ZNF277: variants seen among roughly 807,000 people sequenced by gnomAD.
ZNF277 encodes the protein nuclear receptor-interacting factor 4.
ZNF277 carries 55 observed loss-of-function variants against 60.7 expected under a neutral mutation model. That is an observed-to-expected ratio of 0.91 (90% CI 0.73 to 1.13). ZNF277 has a LOEUF of 1.13. Ranked by LOEUF, ZNF277 falls within the 50% of genes most tolerant of loss-of-function variation. The pLI is 0.00. For synonymous variants in ZNF277, 178 were observed against 179.3 expected, an observed-to-expected ratio of 0.99 and a Z score of 0.06; for missense variants, 510 against 523.0, an observed-to-expected ratio of 0.98 and a Z score of 0.24.
intron 1 of ZNF277, among the ~76,000 whole-genome samples, chr7:112,275,336 C>T (rs1231996832): frequency 1.3e-5 from 2 of 152,152 alleles, no homozygotes; most frequent in African/African-American, 2.4e-5. Flanking sequence ...AATTTGAATG[C>T]TCTGAAGTAT....
chr7:112,282,871 G>C (rs1791979464), intron 1 of ZNF277, among the ~76,000 whole-genome samples: 1 of 152,218 alleles, frequency 6.6e-6, no homozygotes, highest in African/African-American at 2.4e-5. Flanking sequence ...CACCCCCTCA[G>C]TTCCTTCATC....
At chr7:112,228,524 C>T (rs1354493608) in intron 1 of ZNF277, among the ~76,000 whole-genome samples, 7 of 117,430 alleles carry the variant, frequency 6.0e-5, no homozygotes, top group East Asian at 2.9e-4. Context: ...ACTTTATGGA[C>T]GTTAGGCCTT....
At chr7:112,254,805 G>GA (rs1235062130) in intron 1 of ZNF277, among the ~76,000 whole-genome samples, 2 of 151,846 alleles carry the variant, frequency 1.3e-5, no homozygotes, top group South Asian at 2.1e-4. Context: ...CTCGCCTGTA[G>GA]AAAAAATGTT....
At chr7:112,275,268 T>G (rs1313541209) in intron 1 of ZNF277, among the ~76,000 whole-genome samples, 1 of 152,190 alleles carries the variant, frequency 6.6e-6, no homozygotes, top group Non-Finnish European at 1.5e-5. Flanking sequence ...TGAATTCTAC[T>G]TAGAGCCCCA....
At chr7:112,282,538 C>T (rs1470824556) in intron 1 of ZNF277, among the ~76,000 whole-genome samples, 1 of 152,246 alleles carries the variant, frequency 6.6e-6, no homozygotes, top group Non-Finnish European at 1.5e-5. Context: ...TTCGCCTTAA[C>T]TCCCTGTAGC....
chr7:112,312,590 A>T (rs1432430260), intron 4 of ZNF277, among the ~76,000 whole-genome samples: 4 of 152,136 alleles, frequency 2.6e-5, no homozygotes, highest in African/African-American at 7.2e-5. Context: ...TATATAATAT[A>T]CAAATGTACG....
rs1415350850 is a variant in ZNF277, at chr7:112,340,897, A to T, written c.1035A>T (p.Lys345Asn). Residue 345 changes from lysine (K) to asparagine (N), a missense_variant, in exon 11 of 12, where the codon AAA (lysine) becomes AAT (asparagine). By Grantham distance (94) the Lys-to-Asn change is moderately conservative. Transcript: ENST00000361822. ...GATTAAATTTCTATCAGCAAGTGAAACTGGTCAATTTTATTCGGAGGCAAG... is the reference window on the plus strand; with the variant it reads ...GATTAAATTTCTATCAGCAAGTGAATCTGGTCAATTTTATTCGGAGGCAAG... ...ELGLNFYQQV[K>N]LVNFIRRQVH... is the part of the protein sequence containing the mutation. The T allele has an allele frequency of 6.2e-7, 1 of 1,610,044 alleles. No individual in the cohort carries two copies. The highest frequency in any genetic ancestry group is 2.2e-5 in the East Asian group (1 of 44,738).
intron 1 of ZNF277, among the ~76,000 whole-genome samples, chr7:112,211,974 A>G (rs1821760111): frequency 6.6e-6 from 1 of 152,230 alleles, no homozygotes. Context: ...TAGAGTGGCT[A>G]CTATTTTGAG....
chr7:112,282,032 C>T (rs1791956954), intron 1 of ZNF277, among the ~76,000 whole-genome samples: 1 of 152,052 alleles, frequency 6.6e-6, no homozygotes, highest in Non-Finnish European at 1.5e-5. Flanking sequence ...GGGGTTTCAC[C>T]GTGTTGGCCA....
At chr7:112,323,709 T>G (rs1423458970) in intron 5 of ZNF277, among the ~76,000 whole-genome samples, 9 of 152,202 alleles carry the variant, frequency 5.9e-5, no homozygotes, top group Admixed American at 5.9e-4. Flanking sequence ...CCAGAGTGCT[T>G]AAAAAGTTGA....
chr7:112,275,268 T>C (rs1313541209), intron 1 of ZNF277, among the ~76,000 whole-genome samples: 1 of 152,190 alleles, frequency 6.6e-6, no homozygotes, highest in African/African-American at 2.4e-5. Flanking sequence ...TGAATTCTAC[T>C]TAGAGCCCCA....
intron 1 of ZNF277, among the ~76,000 whole-genome samples, chr7:112,210,261 G>A (rs1031039977): frequency 6.6e-6 from 1 of 151,930 alleles, no homozygotes; most frequent in Non-Finnish European, 1.5e-5. Flanking sequence ...AATACCCTGG[G>A]ACAGTGAGGC....
chr7:112,248,707 G>A (rs1040068630), intron 1 of ZNF277, among the ~76,000 whole-genome samples: 1 of 151,662 alleles, frequency 6.6e-6, no homozygotes, highest in South Asian at 2.1e-4. Context: ...TTTTTAGTAG[G>A]ATCATTCCAT....
At chr7:112,303,001 T>A (rs1035065898) in intron 4 of ZNF277, among the ~76,000 whole-genome samples, 1 of 149,074 alleles carries the variant, frequency 6.7e-6, no homozygotes, top group Non-Finnish European at 1.5e-5. Flanking sequence ...CAGGCTGGAG[T>A]GCTGTGGCAC....
intron 1 of ZNF277, among the ~76,000 whole-genome samples, chr7:112,252,181 T>G (rs1357815462): frequency 6.6e-6 from 1 of 152,216 alleles, no homozygotes; most frequent in Non-Finnish European, 1.5e-5. Flanking sequence ...ACTACATTAT[T>G]TAAGAAGTAT....
intron 1 of ZNF277, among the ~76,000 whole-genome samples, chr7:112,232,070 T>A (rs981193558): frequency 1.7e-5 from 2 of 116,684 alleles, no homozygotes; most frequent in South Asian, 6.1e-4. Flanking sequence ...TATATATATA[T>A]ATATATATAT....
chr7:112,209,448 C>A (rs1219863077), intron 1 of ZNF277, among the ~76,000 whole-genome samples: 5 of 152,074 alleles, frequency 3.3e-5, no homozygotes, highest in Admixed American at 1.3e-4. Context: ...AATTAAGTAA[C>A]TGATAGAAAG....
chr7:112,293,348 G>A (rs747523682), intron 2 of ZNF277, among the ~76,000 whole-genome samples: 3 of 152,064 alleles, frequency 2.0e-5, no homozygotes, highest in Non-Finnish European at 2.9e-5. Context: ...AGTCCAAGAC[G>A]GGCAGATTGC....
At chr7:112,315,132 C>T (rs954491284) in intron 4 of ZNF277, among the ~76,000 whole-genome samples, 3 of 151,968 alleles carry the variant, frequency 2.0e-5, no homozygotes, top group African/African-American at 7.3e-5. Flanking sequence ...TTGAAGAGAA[C>T]TCAATAATAA....
Sources: allele counts gnomAD v4.1 joint callset (sites outside exome capture counted in the v4.1 genomes callset), GRCh38; gene constraint gnomAD v4.1.1; transcripts MANE v1.5; gene names NCBI Gene and HGNC (gene_info 2026-07-23, HGNC 2026-07-21).